Variants in EHMT1 observed in about 807,000 individuals in gnomAD.
EHMT1 encodes euchromatic histone lysine methyltransferase 1, also known as histone-lysine N-methyltransferase EHMT1.
EHMT1 carries 15 observed loss-of-function variants against 147.2 expected under a neutral mutation model. The ratio of observed to expected loss-of-function variants is 0.10; its 90% CI spans 0.07 to 0.16. EHMT1 has a LOEUF of 0.16. Among genes scored for constraint, EHMT1 ranks in the 10% least tolerant of loss-of-function variants. EHMT1 has a pLI of 1.00. For missense variants in EHMT1, 1,587 were observed against 1,772.4 expected, an observed-to-expected ratio of 0.90 and a Z score of 1.88; for synonymous variants, 795 against 709.6, an observed-to-expected ratio of 1.12 and a Z score of -1.91.
At position 137,816,220 on chromosome 9, in the gene EHMT1, A is replaced by G. The variant is rs1954908775; in HGVS notation, c.3374+158A>G. 2.3e-5 allele frequency: 16 copies of G among 706,996 alleles called. No individual in the cohort carries two copies. The South Asian group carries it at 2.4e-4, about 11-fold the overall frequency. 43.8% of individuals were successfully genotyped at this position (706,996 alleles called of 1,614,324 possible). A position where few individuals can be genotyped will look rare whatever the true frequency, so the allele number is the denominator to read the frequency against. On this transcript the variant is annotated intron_variant, in intron 23 of 26. Coordinates refer to ENST00000460843, the MANE Select transcript of EHMT1 (RefSeq NM_024757.5). Reference sequence around the variant, plus strand: ...AAGTTACCTGAGCCCTTTATCCTCTAGAAATGTCACTTGTGCCATAAATCA... The same window carrying G: ...AAGTTACCTGAGCCCTTTATCCTCTGGAAATGTCACTTGTGCCATAAATCA...
At chr9:137,827,966 G>T (rs112367419) in intron 25 of EHMT1, among the ~76,000 whole-genome samples, 29 of 152,182 alleles carry the variant, frequency 1.9e-4, no homozygotes, top group African/African-American at 6.3e-4. Flanking sequence ...CCTCTGAACC[G>T]TAGGAGCAGC....
At chr9:137,693,039 C>G (rs1002799688) in intron 1 of EHMT1, among the ~76,000 whole-genome samples, 1 of 152,132 alleles carries the variant, frequency 6.6e-6, no homozygotes, top group African/African-American at 2.4e-5. Context: ...CGAATGGGCA[C>G]AGCAGAGGTT....
chr9:137,745,633 A>C (rs888593344), intron 6 of EHMT1: 3 of 398,276 alleles, frequency 7.5e-6, no homozygotes, highest in African/African-American at 6.2e-5. Flanking sequence ...CAGCTACCCC[A>C]GCAGCTGCCG....
intron 2 of EHMT1, among the ~76,000 whole-genome samples, chr9:137,714,555 ATTTTTTT>A (rs35445261): frequency 2.4e-5 from 2 of 84,218 alleles, no homozygotes; most frequent in South Asian, 4.2e-4. Context: ...CAGTTTGCTC[ATTTTTTT>A]TTTTTTTTTT....
At chr9:137,700,187 CCTATCCCT>C (rs1474441491) in intron 1 of EHMT1, among the ~76,000 whole-genome samples, 1 of 152,116 alleles carries the variant, frequency 6.6e-6, no homozygotes, top group Non-Finnish European at 1.5e-5. Flanking sequence ...GAGTATTTCT[CCTATCCCT>C]CTATCCCTTT....
chr9:137,643,016 A>C (rs1398293122), intron 1 of EHMT1, among the ~76,000 whole-genome samples: 1 of 151,926 alleles, frequency 6.6e-6, no homozygotes, highest in East Asian at 1.9e-4. Context: ...AGTAGTTGGG[A>C]CTATGGGTGC....
intron 1 of EHMT1, among the ~76,000 whole-genome samples, chr9:137,679,402 G>C (rs558735623): frequency 6.6e-6 from 1 of 152,270 alleles, no homozygotes; most frequent in African/African-American, 2.4e-5. Context: ...GATACATCTC[G>C]GGTGGTCCTC....
At chr9:137,692,976 A>G (rs1242537953) in intron 1 of EHMT1, among the ~76,000 whole-genome samples, 1 of 152,170 alleles carries the variant, frequency 6.6e-6, no homozygotes, top group Non-Finnish European at 1.5e-5. Context: ...TGTCCTTGGA[A>G]TCGGCTGGAC....
intron 25 of EHMT1, among the ~76,000 whole-genome samples, chr9:137,832,153 CT>C (rs551193413): frequency 7.2e-4 from 108 of 149,396 alleles, no homozygotes; most frequent in Admixed American, 1.4e-3. Context: ...CACGTGGCCC[CT>C]GTGCCTTCCC....
chr9:137,798,380 C>T (rs773820988), intron 16 of EHMT1, among the ~76,000 whole-genome samples: 1 of 151,096 alleles, frequency 6.6e-6, no homozygotes. Flanking sequence ...CCAGCCTGGG[C>T]GATACAGCAA....
intron 18 of EHMT1, 103 bp from the exon 19 acceptor site, chr9:137,811,358 C>A (rs1194396073): frequency 6.4e-7 from 1 of 1,552,674 alleles, no homozygotes; most frequent in East Asian, 2.3e-5. Context: ...ACGCATGCTC[C>A]AGAGCCTCTC....
chr9:137,786,991 C>T lies in EHMT1; in HGVS notation c.2383-3857C>T, dbSNP rs1952029161. On this transcript the variant is annotated intron_variant, in intron 15 of 26. Coordinates refer to ENST00000460843, the MANE Select transcript of EHMT1 (RefSeq NM_024757.5). This position sits in a 1 kb window ranked among gnomAD's most constrained non-coding sequence, Gnocchi z 4.3. ...TTCTGACTTGATCTGTGTTTTTGTCCCTGCGGAGGAGTCGGGAGCTGTGCC... is the reference window on the plus strand; with the variant it reads ...TTCTGACTTGATCTGTGTTTTTGTCTCTGCGGAGGAGTCGGGAGCTGTGCC... The T allele has an allele frequency of 6.6e-6, 1 of 152,332 alleles. No individual in the cohort carries two copies. The allele number at this position is 152,332 out of a possible 1,614,324, so 9.4% of individuals were successfully genotyped here.
chr9:137,637,733 A>C (rs1173317222), intron 1 of EHMT1: 2 of 152,250 alleles, frequency 1.3e-5, no homozygotes, highest in Non-Finnish European at 2.9e-5. Flanking sequence ...GTTTTTGGGA[A>C]GAGTTTGTGA....
At position 137,666,695 on chromosome 9, in the gene EHMT1, C is replaced by T. The variant is rs1208409684; in HGVS notation, c.22-44272C>T. 3.9e-5 allele frequency among the ~76,000 whole-genome samples: 6 copies of T among 152,278 alleles called. No individual in the cohort carries two copies. The East Asian group carries it at 9.7e-4, about 25-fold the overall frequency. Reference sequence around the variant, plus strand: ...CTCCCCCTCGGAGCCTGTGTAGTCCCCGTCCACACGTGTGGGTTGTGTGAT... The same window carrying T: ...CTCCCCCTCGGAGCCTGTGTAGTCCTCGTCCACACGTGTGGGTTGTGTGAT... On this transcript the variant is annotated intron_variant, in intron 1 of 26. Coordinates refer to ENST00000460843, the MANE Select transcript of EHMT1 (RefSeq NM_024757.5).
chr9:137,646,746 A>T (rs549923400), intron 1 of EHMT1, among the ~76,000 whole-genome samples: 1 of 152,276 alleles, frequency 6.6e-6, no homozygotes, highest in Admixed American at 6.5e-5. Context: ...GTAACGTTGG[A>T]TGTCTTAACT....
chr9:137,819,654 G>T (rs1270779387), intron 25 of EHMT1, among the ~76,000 whole-genome samples: 4 of 16,070 alleles, frequency 2.5e-4, no homozygotes, highest in Non-Finnish European at 4.1e-4. Flanking sequence ...AGAGGCTGAG[G>T]GGGGGGGCGC....
At chr9:137,646,661 C>T (rs955473248) in intron 1 of EHMT1, among the ~76,000 whole-genome samples, 9 of 152,164 alleles carry the variant, frequency 5.9e-5, no homozygotes, top group African/African-American at 7.2e-5. Flanking sequence ...TTTCACATCT[C>T]GCAAGGCACG....
At chr9:137,768,949 A>G (rs574796713) in intron 10 of EHMT1, among the ~76,000 whole-genome samples, 4 of 152,328 alleles carry the variant, frequency 2.6e-5, no homozygotes, top group Non-Finnish European at 5.9e-5. Context: ...AGCCTCTCAA[A>G]GTGCTGAGAT....
At chr9:137,651,968 A>T (rs911568776) in intron 1 of EHMT1, among the ~76,000 whole-genome samples, 1 of 152,330 alleles carries the variant, frequency 6.6e-6, no homozygotes, top group East Asian at 1.9e-4. Flanking sequence ...CTTGATAATG[A>T]TAATAAACTC....
Sources: gnomAD v4.1 joint callset for allele counts (sites outside exome capture counted in the v4.1 genomes callset) on GRCh38, gnomAD v4.1.1 for gene constraint, Gnocchi (gnomAD v3.1) non-coding constraint, MANE v1.5 for transcripts, NCBI Gene and HGNC (gene_info 2026-07-23, HGNC 2026-07-21) for gene names.